Variants in UGT1A8 observed in about 807,000 individuals in gnomAD.
The protein encoded by UGT1A8 is UDP glucuronosyltransferase family 1 member A8.
A neutral mutation model predicts 45.3 loss-of-function variants in UGT1A8; 39 were observed. The observed-to-expected ratio is 0.86, with a 90% confidence interval of 0.67 to 1.12. The LOEUF is 1.12. Among genes scored for constraint, UGT1A8 ranks in the 50% most tolerant of loss-of-function variants. The probability of loss-of-function intolerance (pLI) is 0.00; values close to 1 mark genes in which losing one functional copy is unlikely to be tolerated. For missense variants in UGT1A8, 719 were observed against 664.9 expected, an observed-to-expected ratio of 1.08 and a Z score of -0.90; for synonymous variants, 275 against 249.2, an observed-to-expected ratio of 1.10 and a Z score of -0.97.
chr2:233,680,923 AT>A (rs1460071710), intron 1 of UGT1A8, among the ~76,000 whole-genome samples: 1 of 152,074 alleles, frequency 6.6e-6, no homozygotes, highest in Non-Finnish European at 1.5e-5. Flanking sequence ...GAGGAAAGCC[AT>A]TTAAAATAGG....
At chr2:233,757,561 T>TATATATATA (rs71058576) in intron 1 of UGT1A8, among the ~76,000 whole-genome samples, 1 of 121,178 alleles carries the variant, frequency 8.3e-6, no homozygotes, top group Non-Finnish European at 1.7e-5. Context: ...TATATATATA[T>TATATATATA]GTATATATGA....
Position 233,655,358 on chromosome 2 carries a change from C to T in UGT1A8, c.855+36796C>T, listed in dbSNP as rs1328493829. Among the ~76,000 whole-genome samples the T allele has an allele frequency of 1.1e-4, 16 of 152,290 alleles. No homozygotes were observed. The East Asian group carries it at 1.4e-3, about 13-fold the overall frequency. On this transcript the variant is annotated intron_variant, in intron 1 of 4. Transcript: ENST00000373450. ...TCCCAGTTTAACACTGGAAGTCTCA[C>T]GTCCTGGGAGACTCTTCATTCCCCA...
chr2:233,637,546 A>G (rs1187537648), intron 1 of UGT1A8, among the ~76,000 whole-genome samples: 1 of 152,230 alleles, frequency 6.6e-6, no homozygotes, highest in Non-Finnish European at 1.5e-5. Flanking sequence ...ATCAAATTTT[A>G]TAAAACTGCC....
intron 1 of UGT1A8, among the ~76,000 whole-genome samples, chr2:233,751,658 T>G (rs978244282): frequency 2.0e-5 from 3 of 152,214 alleles, no homozygotes; most frequent in African/African-American, 7.2e-5. Context: ...CTCATCCTAC[T>G]GAGTGAGTTC....
chr2:233,761,067 T>A, intron 1 of UGT1A8: 1 of 1,614,228 alleles, frequency 6.2e-7, no homozygotes, highest in Non-Finnish European at 8.5e-7. Context: ...GAAGTGACTT[T>A]GTGAAGGATT....
intron 1 of UGT1A8, among the ~76,000 whole-genome samples, chr2:233,715,522 A>G (rs1320173957): frequency 1.3e-5 from 2 of 152,172 alleles, no homozygotes; most frequent in Admixed American, 6.5e-5. Context: ...CTGTAATTTC[A>G]GCCCTTTGGG....
At position 233,725,305 on chromosome 2, in the gene UGT1A8, C is replaced by G. The variant is rs59627078; in HGVS notation, c.856-41729C>G. 2.6e-4 allele frequency among the ~76,000 whole-genome samples: 9 copies of G among 33,972 alleles called. 3 individuals are homozygous for G. Among genetic ancestry groups the G allele is most frequent in the African/African-American group, 6.7e-4 (2 of 2,968 alleles). The allele number at this position is 33,972 out of a possible 152,430, so 22.3% of individuals were successfully genotyped here. A position where few individuals can be genotyped will look rare whatever the true frequency, so the allele number is the denominator to read the frequency against. ...GCAGAGGCAGAGGCAGAGGCAGAGG[C>G]AGAGGCAGAGGCGCCTGGTCAACAA... On this transcript the variant is annotated intron_variant, in intron 1 of 4. Coordinates refer to ENST00000373450, the MANE Select transcript of UGT1A8 (RefSeq NM_019076.5).
intron 1 of UGT1A8, among the ~76,000 whole-genome samples, chr2:233,712,048 G>T (rs1193120711): frequency 6.6e-6 from 1 of 152,226 alleles, no homozygotes; most frequent in Non-Finnish European, 1.5e-5. Flanking sequence ...TTGGAAAAAA[G>T]CCTGACCATA....
At chr2:233,743,759 T>C in intron 1 of UGT1A8, 7 of 1,367,366 alleles carry the variant, frequency 5.1e-6, no homozygotes, top group South Asian at 4.5e-5. Flanking sequence ...CAACACCTCG[T>C]AGGCCTCGGC....
intron 1 of UGT1A8, chr2:233,636,816 G>C (rs559725558): frequency 1.2e-6 from 2 of 1,614,184 alleles, no homozygotes; most frequent in East Asian, 4.5e-5. Flanking sequence ...ATGCTCAATG[G>C]AAAGCACAGG....
At chr2:233,756,070 G>A (rs1207859334) in intron 1 of UGT1A8, 1 of 152,196 alleles carries the variant, frequency 6.6e-6, no homozygotes, top group African/African-American at 2.4e-5. Flanking sequence ...GTGGGAGAAT[G>A]ACAATGAGAA....
chr2:233,622,889 G>C (rs747568108), intron 1 of UGT1A8, among the ~76,000 whole-genome samples: 9 of 152,138 alleles, frequency 5.9e-5, no homozygotes, highest in Non-Finnish European at 1.0e-4. Context: ...AATCCATCTT[G>C]AGTTAATTTT....
chr2:233,741,869 C>T (rs992161093), intron 1 of UGT1A8: 4 of 151,862 alleles, frequency 2.6e-5, no homozygotes, highest in African/African-American at 7.3e-5. Flanking sequence ...CAAACCTTTC[C>T]TCAGAGGTGA....
At chr2:233,713,441 A>G in intron 1 of UGT1A8, 1 of 1,614,120 alleles carries the variant, frequency 6.2e-7, no homozygotes, top group Non-Finnish European at 8.5e-7. Flanking sequence ...ATGTGGTTCT[A>G]ACAGACCCCT....
intron 1 of UGT1A8, among the ~76,000 whole-genome samples, chr2:233,740,072 C>T (rs1243642883): frequency 1.3e-5 from 2 of 151,828 alleles, no homozygotes; most frequent in Admixed American, 1.3e-4. Flanking sequence ...CTTTTCCTCT[C>T]TGTCTCTCGC....
chr2:233,688,451 A>T (rs568625749), intron 1 of UGT1A8, among the ~76,000 whole-genome samples: 2 of 152,324 alleles, frequency 1.3e-5, no homozygotes, highest in East Asian at 3.9e-4. Flanking sequence ...CCCTGTGTTG[A>T]CAGGAAACTT....
At chr2:233,764,379 G>A (rs1698547509) in intron 1 of UGT1A8, among the ~76,000 whole-genome samples, 1 of 152,204 alleles carries the variant, frequency 6.6e-6, no homozygotes, top group South Asian at 2.1e-4. Flanking sequence ...TCAGGTAGGA[G>A]TTGGCCGTGA....
intron 1 of UGT1A8, among the ~76,000 whole-genome samples, chr2:233,705,123 C>G (rs1488231635): frequency 7.7e-6 from 1 of 130,446 alleles, no homozygotes; most frequent in Non-Finnish European, 1.6e-5. Flanking sequence ...GGGACAAGAG[C>G]GAGACTTCGT....
chr2:233,747,864 C>G, intron 1 of UGT1A8: 2 of 1,613,576 alleles, frequency 1.2e-6, no homozygotes, highest in South Asian at 2.2e-5. Context: ...GCTCTACCCT[C>G]TGGCCCTGTC....
Sources: gnomAD v4.1 joint callset for allele counts (sites outside exome capture counted in the v4.1 genomes callset) on GRCh38, gnomAD v4.1.1 for gene constraint, MANE v1.5 for transcripts, NCBI Gene and HGNC (gene_info 2026-07-23, HGNC 2026-07-21) for gene names.